The following FGFR1OP2 variants were observed in gnomAD, a reference collection of about 807,000 sequenced individuals.
FGFR1OP2 encodes fibroblast growth factor receptor 1 oncogene partner 2.
In FGFR1OP2, 17 loss-of-function variants were observed where a neutral mutation model predicts 35.2. The observed-to-expected ratio is 0.48, with a 90% CI of 0.33 to 0.73. The LOEUF (loss-of-function observed/expected upper bound fraction) is 0.73. FGFR1OP2 is among the 30% of genes least tolerant of loss of function. FGFR1OP2 has a pLI of 0.02. For synonymous variants in FGFR1OP2, 105 were observed against 104.6 expected (o/e 1.00, Z -0.03); for missense variants, 251 against 307.3 (o/e 0.82, Z 1.37).
chr12:26,943,840 A>AT (rs1938777638), intron 1 of FGFR1OP2, among the ~76,000 whole-genome samples: 1 of 152,096 alleles, frequency 6.6e-6, no homozygotes, highest in Non-Finnish European at 1.5e-5. Flanking sequence ...AAAAAAGAAA[A>AT]AGAAAACTTC....
intron 5 of FGFR1OP2, chr12:26,963,135 G>A: frequency 2.4e-6 from 1 of 417,860 alleles, no homozygotes; most frequent in Non-Finnish European, 4.3e-6. Flanking sequence ...ATATTGTGCT[G>A]CTTATTCTTA....
In FGFR1OP2 at chr12:26,957,625, A is replaced by G. The variant is rs78308909; in HGVS notation, c.278A>G (p.His93Arg). The G allele has an allele frequency of 6.2e-7, 1 of 1,613,042 alleles. No individual in the cohort carries two copies. Among genetic ancestry groups the G allele is most frequent in the Non-Finnish European group, 8.5e-7 (1 of 1,179,580 alleles). The change falls in exon 4 of 7, where the codon CAT becomes CGT. Residue 93 changes from histidine to arginine, a missense_variant. Coordinates refer to ENST00000229395, the MANE Select transcript of FGFR1OP2 (RefSeq NM_015633.3). ...NKELRTSLEE[H>R]QSALELIMSK... ...GAATTACGTACATCTCTGGAAGAAC[A>G]TCAGTCGGCCTTGGAACTTATAATG...
chr12:26,938,908 A>G (rs888800752), intron 1 of FGFR1OP2, among the ~76,000 whole-genome samples, 198 bp downstream of exon 1: 4 of 151,854 alleles, frequency 2.6e-5, no homozygotes, highest in Admixed American at 2.6e-4. Flanking sequence ...AGCTCCTCTT[A>G]ATGGAGATGC....
At chr12:26,950,516 G>A (rs146970669) in intron 1 of FGFR1OP2, among the ~76,000 whole-genome samples, 13,909 of 152,070 alleles carry the variant, frequency 0.091, 814 homozygotes, top group East Asian at 0.18. Context: ...GTGAGCCACC[G>A]CACCTGCCCT....
chr12:26,947,430 T>G (rs1395444728), intron 1 of FGFR1OP2, among the ~76,000 whole-genome samples: 1 of 152,198 alleles, frequency 6.6e-6, no homozygotes, highest in African/African-American at 2.4e-5. Flanking sequence ...ACTTTTTTTT[T>G]GGAGGCAGGG....
At chr12:26,951,734 C>CA (rs1321681388) in intron 1 of FGFR1OP2, among the ~76,000 whole-genome samples, 21 of 152,132 alleles carry the variant, frequency 1.4e-4, no homozygotes, top group Non-Finnish European at 3.1e-4. Context: ...GGAAGACTAT[C>CA]TAGACTGAGG....
At chr12:26,944,572 T>G (rs1344784994) in intron 1 of FGFR1OP2, among the ~76,000 whole-genome samples, 1 of 152,332 alleles carries the variant, frequency 6.6e-6, no homozygotes, top group East Asian at 1.9e-4. Context: ...CTCCCATTGG[T>G]CAGGGTATAT....
chr12:26,963,579 G>A (rs183685616), intron 6 of FGFR1OP2, 124 bp downstream of exon 6: 48 of 580,562 alleles, frequency 8.3e-5, no homozygotes, highest in African/African-American at 6.5e-4. Context: ...CCTGGATGCT[G>A]TCTATGTGGG....
intron 4 of FGFR1OP2, 97 bp from the exon 5 acceptor site, chr12:26,960,418 T>C: frequency 5.7e-6 from 4 of 705,304 alleles, no homozygotes; most frequent in Non-Finnish European, 8.3e-6. Context: ...AAAGCAAACA[T>C]TTCAAACAGT....
chr12:26,965,015 C>G lies in FGFR1OP2; in HGVS notation c.*282C>G. ...AGCTTTTGGCAGTACTGCTGGCTTT[C>G]TGGGTGATTAATTAGGTAAACTTGA... is the stretch of plus-strand genomic sequence containing the variant. On this transcript the variant is annotated 3_prime_UTR_variant, in exon 7 of 7. Coordinates refer to ENST00000229395, the MANE Select transcript of FGFR1OP2 (RefSeq NM_015633.3). 3.8e-6 allele frequency: 1 copy of G among 261,910 alleles called. No homozygotes were observed. The highest frequency in any genetic ancestry group is 5.3e-5 in the Admixed American group (1 of 19,000). 16.2% of individuals were successfully genotyped at this position (261,910 alleles called of 1,614,324 possible).
chr12:26,954,319 C>T (rs1938985837), intron 2 of FGFR1OP2, 26 bp downstream of exon 2: 1 of 1,565,838 alleles, frequency 6.4e-7, no homozygotes. Context: ...CTTGTTCATT[C>T]CATTTATCAA....
intron 1 of FGFR1OP2, among the ~76,000 whole-genome samples, chr12:26,947,421 C>CT (rs1191388639): frequency 2.6e-5 from 4 of 151,412 alleles, no homozygotes; most frequent in Middle Eastern, 3.2e-3. Flanking sequence ...ATCCTTTTAA[C>CT]TTTTTTTTTG....
intron 1 of FGFR1OP2, among the ~76,000 whole-genome samples, chr12:26,951,858 A>G (rs894291560): frequency 2.6e-5 from 4 of 152,202 alleles, no homozygotes; most frequent in African/African-American, 9.7e-5. Context: ...GGTTCTTCTT[A>G]TAGTAGTCCC....
At chr12:26,947,017 A>AC (rs955911688) in intron 1 of FGFR1OP2, among the ~76,000 whole-genome samples, 4 of 147,106 alleles carry the variant, frequency 2.7e-5, no homozygotes, top group Non-Finnish European at 6.0e-5. Context: ...ATTCCCCCCT[A>AC]CTTTTTTTTT....
At position 26,963,295 on chromosome 12, in the gene FGFR1OP2, A is replaced by C. The variant is rs775996821; in HGVS notation, c.511-47A>C. 6 of 1,305,046 alleles carry C rather than the reference A, an allele frequency of 4.6e-6. No individual in the cohort carries two copies. The South Asian group carries it at 7.8e-5, about 17-fold the overall frequency. 80.8% of individuals were successfully genotyped at this position (1,305,046 alleles called of 1,614,324 possible). A position where few individuals can be genotyped will look rare whatever the true frequency, so the allele number is the denominator to read the frequency against. On this transcript the variant is annotated intron_variant, in intron 5 of 6. Coordinates refer to ENST00000229395, the MANE Select transcript of FGFR1OP2 (RefSeq NM_015633.3). ...TTTATAAAAAGGAGAGGATCCAAAAATAAAAAAGTATTTTGCTGATTTCCA... is the reference window on the plus strand; with the variant it reads ...TTTATAAAAAGGAGAGGATCCAAAACTAAAAAAGTATTTTGCTGATTTCCA...
intron 4 of FGFR1OP2, among the ~76,000 whole-genome samples, chr12:26,960,035 C>T (rs1939080715): frequency 6.6e-6 from 1 of 152,008 alleles, no homozygotes; most frequent in Non-Finnish European, 1.5e-5. Flanking sequence ...AAGTCTGTCT[C>T]AGTCCAGCCT....
intron 1 of FGFR1OP2, among the ~76,000 whole-genome samples, chr12:26,944,007 G>T (rs1192317031): frequency 6.6e-6 from 1 of 151,304 alleles, no homozygotes; most frequent in African/African-American, 2.4e-5. Flanking sequence ...TGTTTTTTGT[G>T]TTTTTTTGTT....
At position 26,960,734 on chromosome 12, in the gene FGFR1OP2, T is replaced by C. The variant is rs144560452; in HGVS notation, c.510+106T>C. On this transcript the variant is annotated intron_variant, in intron 5 of 6. Transcript: ENST00000229395. ...CTCCCAGATTAGATCAGCAAATAAATGAAATTTATTAAAAGAATGTTGTGT... is the reference window on the plus strand; with the variant it reads ...CTCCCAGATTAGATCAGCAAATAAACGAAATTTATTAAAAGAATGTTGTGT... The C allele has an allele frequency of 2.6e-4, 370 of 1,427,954 alleles. 3 individuals are homozygous for C. The East Asian group carries it at 9.4e-3, about 36-fold the overall frequency. The allele number at this position is 1,427,954 out of a possible 1,614,324, so 88.5% of individuals were successfully genotyped here.
intron 2 of FGFR1OP2, among the ~76,000 whole-genome samples, chr12:26,955,794 T>G (rs532448300): frequency 6.6e-6 from 1 of 152,328 alleles, no homozygotes; most frequent in South Asian, 2.1e-4. Flanking sequence ...GTGTACAAGT[T>G]TCTGTGTGGA....
Sources: gnomAD v4.1 joint callset for allele counts (sites outside exome capture counted in the v4.1 genomes callset) on GRCh38, gnomAD v4.1.1 for gene constraint, MANE v1.5 for transcripts, NCBI Gene and HGNC (gene_info 2026-07-23, HGNC 2026-07-21) for gene names.